Variants in GRM7 observed in about 807,000 individuals in gnomAD.
GRM7 encodes metabotropic glutamate receptor 7.
GRM7 carries 35 observed loss-of-function variants against 84.5 expected under a neutral mutation model. The observed-to-expected ratio is 0.41, with a 90% CI of 0.32 to 0.55. The LOEUF is 0.55. Among genes scored for constraint, GRM7 ranks in the 20% least tolerant of loss-of-function variants. GRM7 has a pLI of 0.19. For synonymous variants in GRM7, 487 were observed against 455.1 expected, an observed-to-expected ratio of 1.07 and a Z score of -0.89; for missense variants, 1,003 against 1,194.6, an observed-to-expected ratio of 0.84 and a Z score of 2.36.
At chr3:7,339,823 A>G (rs2125077597) in intron 4 of GRM7, among the ~76,000 whole-genome samples, 1 of 152,244 alleles carries the variant, frequency 6.6e-6, no homozygotes, top group African/African-American at 2.4e-5. Flanking sequence ...TGTTTCAACT[A>G]CTGCAAAAAA....
At chr3:7,180,576 C>G (rs1695303685) in intron 2 of GRM7, among the ~76,000 whole-genome samples, 1 of 152,176 alleles carries the variant, frequency 6.6e-6, no homozygotes, top group African/African-American at 2.4e-5. Flanking sequence ...GGGTTCAAAT[C>G]TAGTGTGTTT....
chr3:7,568,879 CT>C (rs1450185108), intron 7 of GRM7, among the ~76,000 whole-genome samples: 2 of 152,118 alleles, frequency 1.3e-5, no homozygotes, highest in Non-Finnish European at 2.9e-5. Context: ...AGCGCCCCCC[CT>C]CCATGGGCTC....
chr3:6,953,180 C>T (rs1455667789), intron 1 of GRM7, among the ~76,000 whole-genome samples: 1 of 152,200 alleles, frequency 6.6e-6, no homozygotes, highest in East Asian at 1.9e-4. Context: ...CTTTCATCCC[C>T]TGTCTCTGTC....
At chr3:7,137,775 A>G (rs1693817458) in intron 1 of GRM7, among the ~76,000 whole-genome samples, 1 of 152,036 alleles carries the variant, frequency 6.6e-6, no homozygotes, top group South Asian at 2.1e-4. Flanking sequence ...AAAAACCCAC[A>G]TAATGTCTTC....
At chr3:7,070,164 C>T (rs74285838) in intron 1 of GRM7, among the ~76,000 whole-genome samples, 6,045 of 151,756 alleles carry the variant, frequency 0.04, 121 homozygotes, top group Middle Eastern at 0.092. Flanking sequence ...ATAACAGTTT[C>T]CAAAGTGTAT....
At chr3:7,420,997 TA>T (rs1696370281) in intron 5 of GRM7, among the ~76,000 whole-genome samples, 1 of 152,194 alleles carries the variant, frequency 6.6e-6, no homozygotes, top group African/African-American at 2.4e-5. Context: ...AGGTATTGAA[TA>T]AAAATGCCAT....
intron 1 of GRM7, among the ~76,000 whole-genome samples, chr3:7,049,638 G>C (rs1287494813): frequency 6.6e-6 from 1 of 151,896 alleles, no homozygotes; most frequent in Non-Finnish European, 1.5e-5. Context: ...ATTGTATCCT[G>C]AGAAAAGCGT....
At chr3:7,066,479 A>G (rs1341762358) in intron 1 of GRM7, among the ~76,000 whole-genome samples, 1 of 151,876 alleles carries the variant, frequency 6.6e-6, no homozygotes, top group Non-Finnish European at 1.5e-5. Context: ...ATCGGGAAGA[A>G]TTAGATACCC....
At chr3:7,352,180 C>A (rs1357320070) in intron 4 of GRM7, among the ~76,000 whole-genome samples, 1 of 151,260 alleles carries the variant, frequency 6.6e-6, no homozygotes. Flanking sequence ...CTGATTAGAC[C>A]TAACATATAA....
At chr3:7,585,683 GTCTTGC>G (rs1321136003) in intron 8 of GRM7, among the ~76,000 whole-genome samples, 2 of 152,150 alleles carry the variant, frequency 1.3e-5, no homozygotes, top group East Asian at 3.9e-4. Flanking sequence ...CCCCATAGGT[GTCTTGC>G]GCTTTGAGAC....
intron 8 of GRM7, among the ~76,000 whole-genome samples, chr3:7,638,638 C>T (rs1698215804): frequency 6.6e-6 from 1 of 152,168 alleles, no homozygotes; most frequent in African/African-American, 2.4e-5. Context: ...ATGCTGTTGC[C>T]ATGAGTTTGG....
At chr3:6,898,481 A>G (rs1372186185) in intron 1 of GRM7, among the ~76,000 whole-genome samples, 1 of 152,036 alleles carries the variant, frequency 6.6e-6, no homozygotes, top group Non-Finnish European at 1.5e-5. Context: ...CAGAAATGGA[A>G]CAGGCAGAGG....
chr3:7,717,526 T>G (rs1701808235), intron 9 of GRM7, among the ~76,000 whole-genome samples: 1 of 152,198 alleles, frequency 6.6e-6, no homozygotes, highest in Non-Finnish European at 1.5e-5. Context: ...GGATATACTA[T>G]TTTGAAAGCA....
intron 5 of GRM7, among the ~76,000 whole-genome samples, chr3:7,438,991 G>A (rs901101688): frequency 6.6e-6 from 1 of 152,102 alleles, no homozygotes. Flanking sequence ...TGTAGAATTC[G>A]GAAGTCTATA....
intron 8 of GRM7, among the ~76,000 whole-genome samples, chr3:7,628,892 G>A (rs1697741632): frequency 1.3e-5 from 2 of 152,232 alleles, no homozygotes; most frequent in African/African-American, 2.4e-5. Flanking sequence ...ATCACAATTG[G>A]CCCTGTAGAT....
Position 7,579,156 on chromosome 3 carries a change from C to T in GRM7, c.2250C>T (p.Asp750=), listed in dbSNP as rs1345649521. 3 of 1,613,614 alleles carry T rather than the reference C, an allele frequency of 1.9e-6. No homozygotes were observed. Among genetic ancestry groups the T allele is most frequent in the Admixed American group, 1.7e-5 (1 of 59,992 alleles). ...AAGCCAGAGGGGTTCTCAAGTGTGA[C>T]ATTACAGATCTCCAAATCATTTGCT... ...PEQARGVLKC[D]ITDLQIICSL... is the part of the protein sequence containing the mutation. Residue 750 remains aspartate, a synonymous_variant, in exon 8 of 10, where the codon GAC becomes GAT. Coordinates refer to ENST00000357716, the MANE Select transcript of GRM7 (RefSeq NM_000844.4).
chr3:7,291,720 G>A (rs1220416463), intron 2 of GRM7, among the ~76,000 whole-genome samples: 13 of 152,134 alleles, frequency 8.5e-5, no homozygotes, highest in African/African-American at 2.4e-5. Flanking sequence ...AGTGGTGAGT[G>A]GTTGTATGGG....
chr3:7,480,758 A>G (rs1699096512), intron 7 of GRM7, among the ~76,000 whole-genome samples: 1 of 152,158 alleles, frequency 6.6e-6, no homozygotes. Context: ...CATTCAGATC[A>G]TTGGGATACG....
intron 5 of GRM7, among the ~76,000 whole-genome samples, chr3:7,451,157 T>C (rs971872913): frequency 2.0e-5 from 3 of 152,196 alleles, no homozygotes; most frequent in East Asian, 1.9e-4. Context: ...TTCTTCTTCA[T>C]AGAGGGACAA....
Sources: allele counts gnomAD v4.1 joint callset (sites outside exome capture counted in the v4.1 genomes callset), GRCh38; gene constraint gnomAD v4.1.1; transcripts MANE v1.5; gene names NCBI Gene and HGNC (gene_info 2026-07-23, HGNC 2026-07-21).